Variants in PTPN11 observed in about 807,000 individuals in gnomAD.
PTPN11 encodes the protein tyrosine-protein phosphatase non-receptor type 11.
In PTPN11, 6 loss-of-function variants were observed where a neutral mutation model predicts 78.8. The ratio of observed to expected loss-of-function variants is 0.08; its 90% CI spans 0.04 to 0.15. The LOEUF is 0.15. PTPN11 is among the 10% of genes least tolerant of loss of function. The pLI, the probability that PTPN11 is intolerant of heterozygous loss-of-function variation, is 1.00. For missense variants in PTPN11, 386 were observed against 744.8 expected, an observed-to-expected ratio of 0.52 and a Z score of 5.61; for synonymous variants, 221 against 263.5, an observed-to-expected ratio of 0.84 and a Z score of 1.56.
At chr12:112,448,405 T>C (rs960175101) in intron 2 of PTPN11, among the ~76,000 whole-genome samples, 3 of 151,572 alleles carry the variant, frequency 2.0e-5, no homozygotes, top group African/African-American at 4.8e-5. Context: ...TTAGTAGAGA[T>C]GGGGTTTCAC....
intron 9 of PTPN11, among the ~76,000 whole-genome samples, chr12:112,479,863 T>G (rs113499824): frequency 0.025 from 3,772 of 152,202 alleles, 75 homozygotes; most frequent in Non-Finnish European, 0.038. Context: ...TGTCCTACTC[T>G]CTGCTCCCTG....
At chr12:112,448,280 G>A (rs1010594902) in intron 2 of PTPN11, among the ~76,000 whole-genome samples, 9 of 148,004 alleles carry the variant, frequency 6.1e-5, no homozygotes, top group African/African-American at 2.0e-4. Context: ...GTGTGATCTT[G>A]GCTCACCGCA....
chr12:112,451,804 G>T (rs2038082196), intron 3 of PTPN11, among the ~76,000 whole-genome samples: 1 of 152,210 alleles, frequency 6.6e-6, no homozygotes, highest in South Asian at 2.1e-4. Context: ...TTTTAATTGA[G>T]TGTTCACATG....
At chr12:112,428,144 AT>A (rs2037651901) in intron 1 of PTPN11, among the ~76,000 whole-genome samples, 1 of 152,158 alleles carries the variant, frequency 6.6e-6, no homozygotes, top group African/African-American at 2.4e-5. Context: ...AGGACTGGAA[AT>A]TTATTTGTCT....
At chr12:112,486,792 A>G in intron 11 of PTPN11, 163 bp downstream of exon 11, 1 of 1,491,354 alleles carries the variant, frequency 6.7e-7, no homozygotes. Context: ...ATCCCAAGGC[A>G]TATTTCTCCT....
At chr12:112,487,221 G>A (rs897960541) in intron 11 of PTPN11, among the ~76,000 whole-genome samples, 1 of 150,392 alleles carries the variant, frequency 6.6e-6, no homozygotes, top group Non-Finnish European at 1.5e-5. Context: ...TGCAACCTCC[G>A]CCTCCCGGGT....
At chr12:112,459,246 A>G (rs909619629) in intron 6 of PTPN11, among the ~76,000 whole-genome samples, 1 of 152,168 alleles carries the variant, frequency 6.6e-6, no homozygotes, top group Non-Finnish European at 1.5e-5. Context: ...ATCAAAATTG[A>G]ATGGAAAGCC....
Position 112,504,938 on chromosome 12 carries a change from C to T in PTPN11, c.*32+142C>T, listed in dbSNP as rs2038915621. On this transcript the variant is annotated intron_variant, in intron 15 of 15. Transcript: ENST00000351677. This position sits in a 1 kb window ranked among gnomAD's most constrained non-coding sequence, Gnocchi z 4.7. ...CAGGCTCCTTTTTCCTCTCCCTGTA[C>T]TTCTTTTTCCAAGATGGTTTTAGTT... The T allele has an allele frequency of 1.6e-6, 1 of 623,046 alleles. No individual in the cohort carries two copies. Among genetic ancestry groups the T allele is most frequent in the South Asian group, 2.0e-5 (1 of 50,470 alleles). 38.6% of individuals were successfully genotyped at this position (623,046 alleles called of 1,614,324 possible).
chr12:112,488,329 A>G (rs1189650705), intron 11 of PTPN11, 114 bp from the exon 12 acceptor site: 3 of 975,540 alleles, frequency 3.1e-6, no homozygotes, highest in Non-Finnish European at 5.0e-6. Flanking sequence ...AGACAATTTT[A>G]TAAATAGCTC....
At chr12:112,439,504 T>C (rs1275749223) in intron 1 of PTPN11, among the ~76,000 whole-genome samples, 3 of 152,038 alleles carry the variant, frequency 2.0e-5, no homozygotes, top group Non-Finnish European at 2.9e-5. Flanking sequence ...AGTCTCGCTC[T>C]TTTGTTCAGG....
intron 1 of PTPN11, among the ~76,000 whole-genome samples, chr12:112,427,897 C>T (rs969587309): frequency 1.3e-4 from 19 of 151,982 alleles, no homozygotes; most frequent in African/African-American, 4.3e-4. Flanking sequence ...ACCACAGGTG[C>T]GTACAACTAT....
At chr12:112,439,171 A>G (rs887463662) in intron 1 of PTPN11, among the ~76,000 whole-genome samples, 1 of 152,192 alleles carries the variant, frequency 6.6e-6, no homozygotes, top group Non-Finnish European at 1.5e-5. Flanking sequence ...TCAGACCAAG[A>G]CAATCTGGCA....
chr12:112,435,403 G>A (rs2037773779), intron 1 of PTPN11, among the ~76,000 whole-genome samples: 1 of 152,172 alleles, frequency 6.6e-6, no homozygotes, highest in African/African-American at 2.4e-5. Flanking sequence ...ACAAGTGTGA[G>A]AAATTCTTTT....
chr12:112,490,077 T>A (rs1027815053), intron 13 of PTPN11, among the ~76,000 whole-genome samples: 10 of 152,178 alleles, frequency 6.6e-5, no homozygotes, highest in Non-Finnish European at 1.3e-4. Flanking sequence ...AAACAGTGTA[T>A]GTATAGAAAT....
chr12:112,424,984 GTGTGTGTGTGTGTGTGTGTGTGTGTA>G (rs1288659132), intron 1 of PTPN11, among the ~76,000 whole-genome samples: 25 of 143,890 alleles, frequency 1.7e-4, no homozygotes, highest in African/African-American at 6.2e-4. Flanking sequence ...GTGTGTGTGT[GTGTGTGTGTGTGTGTGTGTGTGTGTA>G]TGTAGAGATG....
In PTPN11 at chr12:112,453,380, G is replaced by A. The variant is rs369155025; in HGVS notation, c.518G>A (p.Arg173His). Reference protein sequence around the residue: ...GKSKVTHVMIRCQELKYDVGG... With the variant: ...GKSKVTHVMIHCQELKYDVGG... ...TCTAAAGTGACCCATGTTATGATTC[G>A]CTGTCAGGTAAATCTCCAGTTGAAA... The change falls in exon 4 of 16, where the codon CGC becomes CAC. Residue 173 changes from arginine (R) to histidine (H), a missense_variant. Transcript: ENST00000351677. The A allele has an allele frequency of 1.9e-6, 3 of 1,613,862 alleles. No individual in the cohort carries two copies. Among genetic ancestry groups the A allele is most frequent in the African/African-American group, 1.3e-5 (1 of 74,902 alleles).
At chr12:112,431,757 C>T (rs1366492375) in intron 1 of PTPN11, among the ~76,000 whole-genome samples, 2 of 152,132 alleles carry the variant, frequency 1.3e-5, no homozygotes, top group Admixed American at 6.6e-5. Context: ...ACTCCAAGGG[C>T]GTTCTGTGCT....
intron 9 of PTPN11, among the ~76,000 whole-genome samples, chr12:112,480,818 A>C (rs1332612546): frequency 6.6e-6 from 1 of 152,154 alleles, no homozygotes; most frequent in Non-Finnish European, 1.5e-5. Context: ...ATACAAGGTA[A>C]ATTTCTCTTG....
intron 1 of PTPN11, among the ~76,000 whole-genome samples, chr12:112,441,867 A>G (rs867268970): frequency 6.0e-5 from 9 of 150,332 alleles, no homozygotes; most frequent in Non-Finnish European, 1.2e-4. Flanking sequence ...AGCTCCGCCT[A>G]CTGGGTTCAC....
Sources: allele counts gnomAD v4.1 joint callset (sites outside exome capture counted in the v4.1 genomes callset), GRCh38; gene constraint gnomAD v4.1.1; non-coding constraint Gnocchi (gnomAD v3.1); transcripts MANE v1.5; gene names NCBI Gene and HGNC (gene_info 2026-07-23, HGNC 2026-07-21).